TRDN: variants seen among roughly 807,000 people sequenced by gnomAD.
The protein encoded by TRDN is triadin.
TRDN carries 161 observed loss-of-function variants against 149.7 expected under a neutral mutation model. That is an observed-to-expected ratio of 1.08 (90% CI 0.95 to 1.23). The LOEUF (loss-of-function observed/expected upper bound fraction) is 1.23, where lower values mean the gene tolerates loss of function less well. TRDN is among the 50% of genes most tolerant of loss of function. TRDN has a pLI of 0.00. For synonymous variants in TRDN, 294 were observed against 250.5 expected (o/e 1.17, Z -1.64); for missense variants, 896 against 823.5 (o/e 1.09, Z -1.08).
At chr6:123,584,890 C>G (rs9385305) in intron 1 of TRDN, among the ~76,000 whole-genome samples, 18,623 of 152,046 alleles carry the variant, frequency 0.12, 1,241 homozygotes, top group African/African-American at 0.17. Flanking sequence ...AGGCGCAGAT[C>G]CTGAACTAAC....
intron 1 of TRDN, among the ~76,000 whole-genome samples, chr6:123,602,454 TAA>T (rs1268368549): frequency 4.6e-5 from 7 of 152,008 alleles, no homozygotes; most frequent in South Asian, 2.1e-4. Context: ...GAACGAGGGA[TAA>T]AAGACTACAT....
intron 23 of TRDN, among the ~76,000 whole-genome samples, chr6:123,317,332 T>G (rs1414612508): frequency 2.0e-5 from 3 of 151,912 alleles, no homozygotes; most frequent in Non-Finnish European, 4.4e-5. Flanking sequence ...CAGAAAAAAC[T>G]GACTTCATAG....
rs1044428575 is a variant in TRDN, at chr6:123,550,400, G to A, written c.233-1788C>T. On this transcript the variant is annotated intron_variant, in intron 2 of 40. Coordinates refer to ENST00000334268, the MANE Select transcript of TRDN (RefSeq NM_006073.4). Reference sequence around the variant, plus strand: ...AGGACAGAGTGATCAACTGGAAAATGCTATGGATAGGTCAAGAAAGTTGAA... The same window carrying A: ...AGGACAGAGTGATCAACTGGAAAATACTATGGATAGGTCAAGAAAGTTGAA... Among the ~76,000 whole-genome samples, 3 of 152,176 alleles carry A rather than the reference G, an allele frequency of 2.0e-5. No homozygotes were observed. In the South Asian group the frequency reaches 6.2e-4, roughly 32 times the overall value.
In TRDN at chr6:123,348,541, T is replaced by C. The variant is rs1197098406; in HGVS notation, c.1369+3998A>G. 1.4e-4 allele frequency among the ~76,000 whole-genome samples: 22 copies of C among 152,126 alleles called. No homozygotes were observed. In the South Asian group the frequency reaches 3.9e-3, roughly 27 times the overall value. ...TGTCTTTTCATAATTAGGCCTGTAG[T>C]GGAAAGCTAATCTGTAAATAAAAGA... On this transcript the variant is annotated intron_variant, in intron 21 of 40. Coordinates refer to ENST00000334268, the MANE Select transcript of TRDN (RefSeq NM_006073.4).
intron 2 of TRDN, among the ~76,000 whole-genome samples, chr6:123,560,825 T>C (rs952974681): frequency 1.3e-5 from 2 of 152,136 alleles, no homozygotes; most frequent in Admixed American, 6.5e-5. Context: ...TCATAACCTC[T>C]TCCATGTAGG....
intron 1 of TRDN, among the ~76,000 whole-genome samples, chr6:123,612,488 C>T (rs1467843853): frequency 6.6e-6 from 1 of 151,700 alleles, no homozygotes; most frequent in East Asian, 1.9e-4. Flanking sequence ...GTGGCGGGCG[C>T]CTGTAATCCC....
intron 35 of TRDN, among the ~76,000 whole-genome samples, chr6:123,258,277 T>TA (rs1287719778): frequency 1.3e-5 from 2 of 152,326 alleles, no homozygotes; most frequent in African/African-American, 4.8e-5. Context: ...GGGTTTATCA[T>TA]AAAAAGCTCT....
intron 1 of TRDN, among the ~76,000 whole-genome samples, chr6:123,577,945 T>C (rs968430685): frequency 6.6e-6 from 1 of 152,174 alleles, no homozygotes; most frequent in Non-Finnish European, 1.5e-5. Flanking sequence ...TTTTGAAAAG[T>C]GTCTTTTCAT....
At chr6:123,246,567 G>A (rs1259355342) in intron 38 of TRDN, among the ~76,000 whole-genome samples, 2 of 151,422 alleles carry the variant, frequency 1.3e-5, no homozygotes, top group African/African-American at 2.4e-5. Flanking sequence ...CCAATAAAAC[G>A]TTCTGAAATT....
chr6:123,573,825 T>C (rs1479168084), intron 1 of TRDN, among the ~76,000 whole-genome samples: 2 of 152,070 alleles, frequency 1.3e-5, no homozygotes, highest in Non-Finnish European at 2.9e-5. Context: ...TTTGAACCCT[T>C]CAAACAGCTA....
intron 9 of TRDN, among the ~76,000 whole-genome samples, chr6:123,487,823 T>G (rs181012426): frequency 2.0e-5 from 3 of 152,224 alleles, no homozygotes; most frequent in Admixed American, 1.3e-4. Flanking sequence ...AATATATTTC[T>G]CAGCACTTAG....
chr6:123,259,820 T>C (rs1034378770), intron 34 of TRDN, among the ~76,000 whole-genome samples, 158 bp from the exon 35 acceptor site: 3 of 151,978 alleles, frequency 2.0e-5, no homozygotes, highest in African/African-American at 4.8e-5. Flanking sequence ...ATTCTGTTTA[T>C]GTAGTCACCT....
At chr6:123,636,479 G>A (rs1308667971) in intron 1 of TRDN, among the ~76,000 whole-genome samples, 2 of 151,888 alleles carry the variant, frequency 1.3e-5, no homozygotes, top group Admixed American at 6.6e-5. Flanking sequence ...TATTTATAGA[G>A]GTGTGAGTAA....
At chr6:123,294,982 G>A (rs1778143200) in intron 24 of TRDN, among the ~76,000 whole-genome samples, 1 of 152,226 alleles carries the variant, frequency 6.6e-6, no homozygotes, top group South Asian at 2.1e-4. Flanking sequence ...TCTGCAGTCC[G>A]TTAAGATTAA....
intron 24 of TRDN, among the ~76,000 whole-genome samples, chr6:123,312,337 G>A (rs866566640): frequency 7.9e-5 from 12 of 151,810 alleles, no homozygotes; most frequent in African/African-American, 2.2e-4. Flanking sequence ...AGAGCAACCC[G>A]TCCTTTTCCT....
chr6:123,299,320 T>C (rs2114665763), intron 24 of TRDN, among the ~76,000 whole-genome samples: 1 of 152,120 alleles, frequency 6.6e-6, no homozygotes, highest in South Asian at 2.1e-4. Context: ...GCTAAAGTAG[T>C]CAAGCATGGC....
chr6:123,530,536 C>T lies in TRDN; in HGVS notation c.454G>A (p.Glu152Lys). 1 of 1,255,890 alleles carries T rather than the reference C, an allele frequency of 8.0e-7. No homozygotes were observed. The allele number at this position is 1,255,890 out of a possible 1,614,324, so 77.8% of individuals were successfully genotyped here. ...EIHKDKTEKQEKPERKIQTKV... is the reference protein window; with the variant it reads ...EIHKDKTEKQKKPERKIQTKV... ...GTTTGTATTTTCCTTTCAGGTTTCTCTTGTTTTTCAGTCTTATCTTTGTGT... is the reference window on the plus strand; with the variant it reads ...GTTTGTATTTTCCTTTCAGGTTTCTTTTGTTTTTCAGTCTTATCTTTGTGT... Residue 152 changes from glutamate (E) to lysine (K), a missense_variant, in exon 5 of 41, where the codon GAG (glutamate) becomes AAG (lysine). By Grantham distance (56) the Glu-to-Lys change is moderately conservative (BLOSUM62 1). Coordinates refer to ENST00000334268, the MANE Select transcript of TRDN (RefSeq NM_006073.4).
At chr6:123,337,323 A>G (rs1288596558) in intron 22 of TRDN, among the ~76,000 whole-genome samples, 1 of 152,002 alleles carries the variant, frequency 6.6e-6, no homozygotes, top group Non-Finnish European at 1.5e-5. Flanking sequence ...GTGCTTCTTA[A>G]TATTCTTTAC....
At chr6:123,455,112 A>G (rs1776030874) in intron 10 of TRDN, among the ~76,000 whole-genome samples, 1 of 152,212 alleles carries the variant, frequency 6.6e-6, no homozygotes, top group Non-Finnish European at 1.5e-5. Flanking sequence ...CTGTCTCACA[A>G]CCAAAGTTAT....
Sources: allele counts gnomAD v4.1 joint callset (sites outside exome capture counted in the v4.1 genomes callset), GRCh38; gene constraint gnomAD v4.1.1; transcripts MANE v1.5; gene names NCBI Gene and HGNC (gene_info 2026-07-23, HGNC 2026-07-21).